The following UBR4 variants were observed in gnomAD, a reference collection of about 807,000 sequenced individuals.
The protein encoded by UBR4 is E3 ubiquitin-protein ligase UBR4.
Under a neutral mutation model 575.6 loss-of-function variants are expected in UBR4, and 124 were observed. The ratio of observed to expected loss-of-function variants is 0.22; its 90% CI spans 0.19 to 0.25. UBR4 has a LOEUF of 0.25. Ranked by LOEUF, UBR4 falls within the 10% of genes least tolerant of loss-of-function variation. UBR4 has a pLI of 1.00. For missense variants in UBR4, 4,818 were observed against 6,478.8 expected (o/e 0.74, Z 8.80); for synonymous variants, 2,455 against 2,473.7 (o/e 0.99, Z 0.22).
At chr1:19,176,472 C>T in intron 20 of UBR4, 120 bp downstream of exon 20, 1 of 1,190,686 alleles carries the variant, frequency 8.4e-7, no homozygotes, top group South Asian at 1.5e-5. Flanking sequence ...TGATTTGCCA[C>T]CCATAGGGAT....
At chr1:19,090,062 T>G (rs1170581355) in intron 97 of UBR4, among the ~76,000 whole-genome samples, 1 of 152,150 alleles carries the variant, frequency 6.6e-6, no homozygotes, top group African/African-American at 2.4e-5. Context: ...TCTAATGAAC[T>G]CTCCTCCACC....
Position 19,086,009 on chromosome 1 carries a change from T to G in UBR4, c.14813+136A>C. 2.9e-6 allele frequency: 4 copies of G among 1,358,642 alleles called. No individual in the cohort carries two copies. In the South Asian group the frequency reaches 5.7e-5, roughly 19 times the overall value. 84.2% of individuals were successfully genotyped at this position (1,358,642 alleles called of 1,614,324 possible). On this transcript the variant is annotated intron_variant, in intron 101 of 105. Coordinates refer to ENST00000375254, the MANE Select transcript of UBR4 (RefSeq NM_020765.3). ...CTGTATGCTCTGGACAGCTCCCCAG[T>G]CAGCAAGCAGACAGACATGGATTCC...
In UBR4 at chr1:19,105,143, G is replaced by A; in HGVS notation, c.12550C>T (p.Leu4184=). 2.5e-6 allele frequency: 4 copies of A among 1,614,110 alleles called. No individual in the cohort carries two copies. The highest frequency in any genetic ancestry group is 4.5e-5 in the East Asian group (2 of 44,868). ...SIAGECAAEY[L]ALYQKLITSA... Reference sequence around the variant, plus strand: ...GTGATGAGCTTCTGGTAGAGAGCCAGGTACTCAGCTGCACACTCCCCAGCT... The same window carrying A: ...GTGATGAGCTTCTGGTAGAGAGCCAAGTACTCAGCTGCACACTCCCCAGCT... Residue 4184 remains leucine, a synonymous_variant, in exon 85 of 106, where the codon CTG becomes TTG. Coordinates refer to ENST00000375254, the MANE Select transcript of UBR4 (RefSeq NM_020765.3).
chr1:19,112,497 G>A, intron 78 of UBR4, 27 bp downstream of exon 78: 2 of 1,581,310 alleles, frequency 1.3e-6, no homozygotes, highest in South Asian at 1.2e-5. Context: ...GAACCACTAG[G>A]CCCATAACCA....
intron 63 of UBR4, among the ~76,000 whole-genome samples, chr1:19,127,369 T>C (rs539299239): frequency 5.9e-5 from 9 of 152,364 alleles, no homozygotes; most frequent in African/African-American, 2.2e-4. Context: ...AAGAGAGCCC[T>C]GCTCTTCAAT....
In UBR4 at chr1:19,169,482, A is replaced by G; in HGVS notation, c.3694T>C (p.Ser1232Pro). The change falls in exon 27 of 106, where the codon TCC becomes CCC. Residue 1232 changes from serine to proline, a missense_variant. This residue lies in a region of UBR4 where 1,172 missense variants were observed against 1,259.7 expected (regional missense o/e 0.93). Coordinates refer to ENST00000375254, the MANE Select transcript of UBR4 (RefSeq NM_020765.3). ...LPSSVQTVCE[S>P]WNNINTNEFP... ...TCATTGGTATTGATGTTGTTCCAGG[A>G]CTCACACACAGTCTGCACTGACGAT... The G allele has an allele frequency of 1.2e-6, 2 of 1,613,986 alleles. No homozygotes were observed. Among genetic ancestry groups the G allele is most frequent in the Non-Finnish European group, 1.7e-6 (2 of 1,179,964 alleles).
In UBR4 at chr1:19,177,788, T is replaced by C. The variant is rs756556469; in HGVS notation, c.2355-45A>G. On this transcript the variant is annotated intron_variant, in intron 18 of 105. Coordinates refer to ENST00000375254, the MANE Select transcript of UBR4 (RefSeq NM_020765.3). ...ACTATATCTGGTGGGAAAAAGAGCA[T>C]TCCCCAGGAGTTATAATGTCAAGCA... 2.0e-5 allele frequency: 32 copies of C among 1,589,564 alleles called. No individual in the cohort carries two copies. The East Asian group carries it at 7.0e-4, about 35-fold the overall frequency.
intron 13 of UBR4, among the ~76,000 whole-genome samples, chr1:19,186,861 T>TTC (rs1391921040): frequency 6.6e-6 from 1 of 152,034 alleles, no homozygotes; most frequent in Non-Finnish European, 1.5e-5. Context: ...ACAGGAGTGT[T>TTC]TCCATAGTGT....
rs759777783 is a variant in UBR4 at position 19,167,124 on chromosome 1, C to T, written c.4007G>A (p.Arg1336His). The change falls in exon 29 of 106, where the codon CGC becomes CAC. Residue 1336 changes from arginine (R) to histidine (H), a missense_variant. Around this residue, in one of 29 missense-constraint regions of UBR4, gnomAD observed 1,172 missense variants for 1,259.7 expected, o/e 0.93. Transcript: ENST00000375254. ...VAEISSNSLERILGPAESDEF... is the reference protein window; with the variant it reads ...VAEISSNSLEHILGPAESDEF... Reference sequence around the variant, plus strand: ...ATCAGACTCAGCAGGGCCCAAGATGCGTTCCAGGGAGTTGCTACTGATCTC... The same window carrying T: ...ATCAGACTCAGCAGGGCCCAAGATGTGTTCCAGGGAGTTGCTACTGATCTC... The T allele has an allele frequency of 5.0e-6, 8 of 1,614,184 alleles. No individual in the cohort carries two copies. The highest frequency in any genetic ancestry group is 5.9e-6 in the Non-Finnish European group (7 of 1,180,012).
In UBR4 at chr1:19,153,348, A is replaced by T; in HGVS notation, c.6785T>A (p.Val2262Asp). 1 of 1,614,134 alleles carries T rather than the reference A, an allele frequency of 6.2e-7. No individual in the cohort carries two copies. The highest frequency in any genetic ancestry group is 2.2e-5 in the East Asian group (1 of 44,874). ...WLQPSLQPSS[V>D]ISIMKPVRKR... Reference sequence around the variant, plus strand: ...TCGAACAGGCTTCATGATGCTGATGACACTGCTGGGCTGCAGGGATGGCTG... The same window carrying T: ...TCGAACAGGCTTCATGATGCTGATGTCACTGCTGGGCTGCAGGGATGGCTG... The change falls in exon 46 of 106, where the codon GTC (valine) becomes GAC (aspartate). Residue 2262 changes from valine (V) to aspartate (D), a missense_variant. Coordinates refer to ENST00000375254, the MANE Select transcript of UBR4 (RefSeq NM_020765.3). This position sits in a 1 kb window ranked among gnomAD's most constrained non-coding sequence, Gnocchi z 4.1.
intron 85 of UBR4, 151 bp downstream of exon 85, chr1:19,104,897 A>C (rs1048675946): frequency 1.7e-5 from 22 of 1,310,736 alleles, no homozygotes; most frequent in Non-Finnish European, 2.3e-5. Context: ...CTACATAATA[A>C]ATACAATGAA....
chr1:19,141,718 G>A lies in UBR4; in HGVS notation c.8239C>T (p.Pro2747Ser), dbSNP rs2083963460. 1 of 1,614,140 alleles carries A rather than the reference G, an allele frequency of 6.2e-7. No homozygotes were observed. The highest frequency in any genetic ancestry group is 2.2e-5 in the East Asian group (1 of 44,874). Residue 2747 changes from proline to serine, a missense_variant, in exon 56 of 106, where the codon CCG (proline) becomes TCG (serine). This residue lies in a region of UBR4 where 129 missense variants were observed against 198.4 expected (regional missense o/e 0.65). Coordinates refer to ENST00000375254, the MANE Select transcript of UBR4 (RefSeq NM_020765.3). ...ADEKMQSSGI[P>S]NGGHIRQESQ... ...TCCTGACGGATGTGACCACCATTCGGGATCCCTGATGACTGCATTTTCTCA... is the reference window on the plus strand; with the variant it reads ...TCCTGACGGATGTGACCACCATTCGAGATCCCTGATGACTGCATTTTCTCA...
chr1:19,181,951 C>G (rs760416590), intron 17 of UBR4, among the ~76,000 whole-genome samples: 2 of 152,114 alleles, frequency 1.3e-5, no homozygotes, highest in African/African-American at 2.4e-5. Context: ...CACTAAACAC[C>G]AAGTCCCCAT....
At chr1:19,099,256 T>G (rs2078373873) in intron 90 of UBR4, among the ~76,000 whole-genome samples, 1 of 152,134 alleles carries the variant, frequency 6.6e-6, no homozygotes, top group Admixed American at 6.5e-5. Flanking sequence ...CTGAGAGGTG[T>G]CCATACTGAA....
chr1:19,140,714 C>T (rs1295623476), intron 58 of UBR4, 74 bp downstream of exon 58: 9 of 1,443,746 alleles, frequency 6.2e-6, no homozygotes, highest in African/African-American at 5.6e-5. Context: ...CTGCCCATTA[C>T]ACTCTCACAG....
In UBR4 at chr1:19,187,194, G is replaced by A. The variant is rs1431269054; in HGVS notation, c.1602C>T (p.Leu534=). 2 of 1,613,224 alleles carry A rather than the reference G, an allele frequency of 1.2e-6. No homozygotes were observed. Among genetic ancestry groups the A allele is most frequent in the South Asian group, 2.2e-5 (2 of 91,020 alleles). Residue 534 remains leucine (L), a synonymous_variant, in exon 13 of 106, where the codon CTC becomes CTT. Transcript: ENST00000375254. ...TGTAGGAAGTTGAAAGTAACGTCAA[G>A]AGCAGGTTCATCAGTGGGACAGAGT... The part of the protein sequence containing the change: ...LIDSVPLMNL[L]LTLLSTSYRK...
intron 49 of UBR4, chr1:19,149,726 C>G: frequency 1.5e-6 from 2 of 1,294,634 alleles, no homozygotes; most frequent in South Asian, 2.5e-5. Context: ...CTGACACACA[C>G]TCACTCGTGC....
In UBR4 at chr1:19,114,028, C is replaced by T; in HGVS notation, c.11245G>A (p.Val3749Met). Residue 3749 changes from valine (V) to methionine (M), a missense_variant, in exon 76 of 106, where the codon GTG (valine) becomes ATG (methionine). Transcript: ENST00000375254. ...INTLLDKADR[V>M]YHQLMGHRPQ... is the part of the protein sequence containing the mutation. ...CGGTGTCCCATCAGCTGATGATACA[C>T]TCGATCAGCTTTGTCCAAAAGTGTA... The T allele has an allele frequency of 1.2e-6, 2 of 1,614,218 alleles. No individual in the cohort carries two copies. Among genetic ancestry groups the T allele is most frequent in the East Asian group, 2.2e-5 (1 of 44,892 alleles).
chr1:19,120,091 A>C, intron 69 of UBR4, 89 bp downstream of exon 69: 1 of 1,451,844 alleles, frequency 6.9e-7, no homozygotes, highest in Non-Finnish European at 9.5e-7. Context: ...TGACTCTGTG[A>C]CCATATGTAA....
Sources: gnomAD v4.1 joint callset for allele counts (sites outside exome capture counted in the v4.1 genomes callset) on GRCh38, gnomAD v4.1.1 for gene constraint, gnomAD v4.1.1 regional missense constraint, Gnocchi (gnomAD v3.1) non-coding constraint, MANE v1.5 for transcripts, NCBI Gene and HGNC (gene_info 2026-07-23, HGNC 2026-07-21) for gene names.